Variants in FOXO1 observed in about 807,000 individuals in gnomAD.
FOXO1 encodes the protein forkhead box protein O1.
FOXO1 carries 6 observed loss-of-function variants against 44.1 expected under a neutral mutation model. The observed-to-expected ratio is 0.14, with a 90% CI of 0.07 to 0.27. FOXO1 has a LOEUF of 0.27. Among genes scored for constraint, FOXO1 ranks in the 10% least tolerant of loss-of-function variants. The pLI is 1.00. For missense variants in FOXO1, 737 were observed against 888.8 expected (o/e 0.83, Z 2.17); for synonymous variants, 380 against 362.7 (o/e 1.05, Z -0.54).
At chr13:40,570,560 T>C (rs1874452045) in intron 1 of FOXO1, among the ~76,000 whole-genome samples, 1 of 152,206 alleles carries the variant, frequency 6.6e-6, no homozygotes, top group Admixed American at 6.5e-5. Flanking sequence ...GAGTAACATT[T>C]CAGCCAATAA....
intron 1 of FOXO1, among the ~76,000 whole-genome samples, chr13:40,637,314 C>CG (rs922873723): frequency 2.0e-5 from 3 of 151,866 alleles, no homozygotes; most frequent in Admixed American, 6.6e-5. Flanking sequence ...CATGGTGACA[C>CG]GTGCCTGTAG....
intron 1 of FOXO1, among the ~76,000 whole-genome samples, chr13:40,627,680 A>G (rs1876828511): frequency 6.6e-6 from 1 of 152,088 alleles, no homozygotes; most frequent in Non-Finnish European, 1.5e-5. Flanking sequence ...TAAAAACACC[A>G]AAATTAGCCA....
At chr13:40,602,634 G>A (rs1047536182) in intron 1 of FOXO1, among the ~76,000 whole-genome samples, 5 of 152,080 alleles carry the variant, frequency 3.3e-5, no homozygotes, top group African/African-American at 9.7e-5. Context: ...TTCTACCCAA[G>A]GTCATTTACA....
chr13:40,589,533 A>G (rs181209799), intron 1 of FOXO1, among the ~76,000 whole-genome samples: 15 of 152,366 alleles, frequency 9.8e-5, no homozygotes, highest in African/African-American at 3.1e-4. Context: ...GTGTTGTAAA[A>G]TATTTCGTCT....
chr13:40,565,105 CTG>C (rs1469546053), intron 1 of FOXO1, among the ~76,000 whole-genome samples: 1 of 151,672 alleles, frequency 6.6e-6, no homozygotes, highest in East Asian at 2.0e-4. Flanking sequence ...GCCTCAATAA[CTG>C]TTTGTTGCTT....
Position 40,586,074 on chromosome 13 carries a change from G to A in FOXO1, c.631-25214C>T, listed in dbSNP as rs17811138. ...TTCAAGGCTGCTGCCATGACACAAA[G>A]GTCTTGAAAGAATGTGGGAAAGCCC... On this transcript the variant is annotated intron_variant, in intron 1 of 2. Coordinates refer to ENST00000379561, the MANE Select transcript of FOXO1 (RefSeq NM_002015.4). Among the ~76,000 whole-genome samples the A allele has an allele frequency of 1.1e-3, 162 of 152,250 alleles. 4 individuals carry two copies. In the East Asian group the frequency reaches 0.019, roughly 18 times the overall value.
chr13:40,620,373 C>A lies in FOXO1; in HGVS notation c.630+45210G>T, dbSNP rs942326083. ...CTGCCGAATCATTTCTCGTTTAGAG[C>A]GGTCACGTATTCAAACCTATGTTAG... On this transcript the variant is annotated intron_variant, in intron 1 of 2. Transcript: ENST00000379561. 20 of 697,174 alleles carry A rather than the reference C, an allele frequency of 2.9e-5. No homozygotes were observed. In the African/African-American group the frequency reaches 3.4e-4, roughly 12 times the overall value. 43.2% of individuals were successfully genotyped at this position (697,174 alleles called of 1,614,324 possible). A position where few individuals can be genotyped will look rare whatever the true frequency, so the allele number is the denominator to read the frequency against.
chr13:40,656,131 C>T (rs1877852527), intron 1 of FOXO1, among the ~76,000 whole-genome samples: 1 of 152,196 alleles, frequency 6.6e-6, no homozygotes, highest in Non-Finnish European at 1.5e-5. Context: ...GTCAGTTTTG[C>T]ATTTGGCCTA....
At chr13:40,559,376 G>C (rs1323938195) in intron 2 of FOXO1, 133 bp downstream of exon 2, 6 of 774,254 alleles carry the variant, frequency 7.7e-6, no homozygotes, top group Non-Finnish European at 1.2e-5. Context: ...GACAGAGAAT[G>C]AATGATAAAA....
At chr13:40,657,854 A>G (rs1877906107) in intron 1 of FOXO1, among the ~76,000 whole-genome samples, 1 of 152,218 alleles carries the variant, frequency 6.6e-6, no homozygotes, top group Non-Finnish European at 1.5e-5. Context: ...GGACTCTGAC[A>G]ATCTGTTGAA....
intron 1 of FOXO1, among the ~76,000 whole-genome samples, chr13:40,600,591 T>G (rs1157400670): frequency 6.6e-6 from 1 of 152,218 alleles, no homozygotes; most frequent in Non-Finnish European, 1.5e-5. Context: ...TTCAGAAGCT[T>G]CATTAACTCC....
chr13:40,661,656 G>C (rs1373483554), intron 1 of FOXO1, among the ~76,000 whole-genome samples: 1 of 152,090 alleles, frequency 6.6e-6, no homozygotes, highest in Non-Finnish European at 1.5e-5. Context: ...AGATGTCTCA[G>C]ATCCTCTAAC....
At chr13:40,642,323 G>A (rs531474125) in intron 1 of FOXO1, among the ~76,000 whole-genome samples, 11 of 152,206 alleles carry the variant, frequency 7.2e-5, no homozygotes, top group African/African-American at 2.2e-4. Flanking sequence ...TACAGTCAGC[G>A]AATGTCCTCT....
At chr13:40,646,182 A>T (rs967940516) in intron 1 of FOXO1, among the ~76,000 whole-genome samples, 1 of 152,110 alleles carries the variant, frequency 6.6e-6, no homozygotes, top group African/African-American at 2.4e-5. Context: ...TCAGCCTTAG[A>T]TGGGAAATAA....
intron 1 of FOXO1, among the ~76,000 whole-genome samples, chr13:40,658,057 T>C (rs1408938647): frequency 6.6e-6 from 1 of 152,152 alleles, no homozygotes; most frequent in Admixed American, 6.5e-5. Context: ...TTAAATTATA[T>C]ATAATACACA....
At chr13:40,652,831 T>C (rs142778372) in intron 1 of FOXO1, among the ~76,000 whole-genome samples, 13 of 152,356 alleles carry the variant, frequency 8.5e-5, no homozygotes, top group African/African-American at 2.6e-4. Flanking sequence ...TGACGTTTAC[T>C]TGTATGAACC....
At chr13:40,628,882 T>C (rs1876872583) in intron 1 of FOXO1, among the ~76,000 whole-genome samples, 2 of 152,218 alleles carry the variant, frequency 1.3e-5, no homozygotes, top group Non-Finnish European at 2.9e-5. Flanking sequence ...ACAGTAACTG[T>C]ACTACTACAG....
At chr13:40,561,170 G>A (rs964314976) in intron 1 of FOXO1, among the ~76,000 whole-genome samples, 2 of 152,110 alleles carry the variant, frequency 1.3e-5, no homozygotes, top group African/African-American at 4.8e-5. Context: ...GGCTAACACA[G>A]TGAAACCCCA....
intron 1 of FOXO1, among the ~76,000 whole-genome samples, chr13:40,596,020 G>A (rs987182629): frequency 2.7e-5 from 4 of 150,192 alleles, no homozygotes; most frequent in Non-Finnish European, 5.9e-5. Context: ...TACATGGCAT[G>A]GTTATTTAAT....
Sources: allele counts gnomAD v4.1 joint callset (sites outside exome capture counted in the v4.1 genomes callset), GRCh38; gene constraint gnomAD v4.1.1; transcripts MANE v1.5; gene names NCBI Gene and HGNC (gene_info 2026-07-23, HGNC 2026-07-21).